IFNG-AS1: variants seen among roughly 807,000 people sequenced by gnomAD.
IFNG-AS1 encodes IFNG antisense RNA 1 (non-protein coding).
At chr12:67,995,550 G>A (rs1296832231) in intron 1 of IFNG-AS1, among the ~76,000 whole-genome samples, 2 of 151,390 alleles carry the variant, frequency 1.3e-5, no homozygotes, top group Non-Finnish European at 2.9e-5. Context: ...GTGAAACCCT[G>A]TCTCTCCTAA....
chr12:67,995,722 CAAA>C (rs34179056), intron 1 of IFNG-AS1, among the ~76,000 whole-genome samples: 6 of 77,324 alleles, frequency 7.8e-5, no homozygotes, highest in Non-Finnish European at 1.0e-4. Flanking sequence ...ACTCGGTCTC[CAAA>C]AAAAAAAAAA....
At chr12:67,995,493 C>T (rs367715042) in intron 1 of IFNG-AS1, among the ~76,000 whole-genome samples, 52 of 143,916 alleles carry the variant, frequency 3.6e-4, no homozygotes, top group African/African-American at 1.2e-3. Flanking sequence ...GAGGCCGAGG[C>T]GGGCAGATTA....
At chr12:67,989,935 G>A (rs1476477221) in intron 1 of IFNG-AS1, among the ~76,000 whole-genome samples, 1 of 151,982 alleles carries the variant, frequency 6.6e-6, no homozygotes, top group Admixed American at 6.5e-5. Context: ...AGCTTTGATT[G>A]AACTATTCTA....
intron 3 of IFNG-AS1, among the ~76,000 whole-genome samples, chr12:68,019,145 T>C (rs1880226951): frequency 6.6e-6 from 1 of 152,168 alleles, no homozygotes; most frequent in African/African-American, 2.4e-5. Flanking sequence ...GGAGGTAGTC[T>C]GACATGTAAA....
chr12:68,021,024 C>T (rs11177008), intron 4 of IFNG-AS1: 45,127 of 151,950 alleles, frequency 0.3, 6,922 homozygotes, highest in East Asian at 0.33. Flanking sequence ...ACCATTTCTT[C>T]GGTGTCTCTC....
chr12:67,995,987 T>G (rs1360411547), exon 2 of IFNG-AS1: 2 of 152,178 alleles, frequency 1.3e-5, no homozygotes, highest in Non-Finnish European at 2.9e-5. Context: ...GGTGGCAATC[T>G]TAAGGATACA....
At chr12:68,011,643 T>A (rs553323974) in intron 3 of IFNG-AS1, among the ~76,000 whole-genome samples, 1 of 152,312 alleles carries the variant, frequency 6.6e-6, no homozygotes, top group South Asian at 2.1e-4. Flanking sequence ...AAAACTCAAA[T>A]GCAGACTGAA....
In IFNG-AS1 at chr12:67,992,472, A is replaced by T. The variant is rs117275784; in HGVS notation, n.51+2893A>T. Among the ~76,000 whole-genome samples the T allele has an allele frequency of 6.4e-3, 971 of 152,286 alleles. 9 individuals carry two copies. The highest frequency in any genetic ancestry group is 0.021 in the African/African-American group (886 of 41,562). On this transcript the variant is annotated intron_variant and non_coding_transcript_variant, in intron 1 of 5. Transcript: ENST00000536914. Reference sequence around the variant, plus strand: ...CTAGGAGCCATTGGAGGACACATATACTGTTAGTTTTGGAAGGTATTATAT... The same window carrying T: ...CTAGGAGCCATTGGAGGACACATATTCTGTTAGTTTTGGAAGGTATTATAT...
At chr12:67,999,455 A>G (rs1012377383) in intron 2 of IFNG-AS1, among the ~76,000 whole-genome samples, 2 of 152,244 alleles carry the variant, frequency 1.3e-5, no homozygotes, top group Non-Finnish European at 2.9e-5. Flanking sequence ...TTGTGCCAGA[A>G]AGAAAAGAAG....
At chr12:68,016,153 A>T (rs1264451947) in intron 3 of IFNG-AS1, among the ~76,000 whole-genome samples, 4 of 152,176 alleles carry the variant, frequency 2.6e-5, no homozygotes. Flanking sequence ...TATCAATTAT[A>T]TAGACAAAAT....
Position 67,998,442 on chromosome 12 carries a change from AAAAAAG to A in IFNG-AS1, n.184+2385_184+2390del, listed in dbSNP as rs567362765. On this transcript the variant is annotated intron_variant and non_coding_transcript_variant, in intron 2 of 5. Transcript: ENST00000536914. ...AACTTCTATGAAAGAGAGACCAAAA[AAAAAAG>A]AAAAAGAAAAAGAAAGAAAACCACA... Among the ~76,000 whole-genome samples the A allele has an allele frequency of 3.2e-4, 48 of 151,892 alleles. No homozygotes were observed. The East Asian group carries it at 8.5e-3, about 27-fold the overall frequency.
At chr12:68,016,860 T>C (rs566157066) in intron 3 of IFNG-AS1, among the ~76,000 whole-genome samples, 2 of 152,172 alleles carry the variant, frequency 1.3e-5, no homozygotes, top group African/African-American at 4.8e-5. Flanking sequence ...CAGAAATGTA[T>C]TGTGGCTCTG....
chr12:67,992,043 C>CCT (rs140108038), intron 1 of IFNG-AS1, among the ~76,000 whole-genome samples: 1 of 151,946 alleles, frequency 6.6e-6, no homozygotes, highest in African/African-American at 2.4e-5. Context: ...CAATTCTCTT[C>CCT]CTCTCTCTCT....
At chr12:68,008,761 T>G (rs2076830963) in intron 3 of IFNG-AS1, among the ~76,000 whole-genome samples, 2 of 152,114 alleles carry the variant, frequency 1.3e-5, no homozygotes, top group East Asian at 1.9e-4. Flanking sequence ...TATGGGAACT[T>G]GTAATGGACC....
chr12:67,996,446 TTTG>T (rs1879643905), intron 2 of IFNG-AS1, among the ~76,000 whole-genome samples: 1 of 152,244 alleles, frequency 6.6e-6, no homozygotes. Flanking sequence ...GAGCTGAGAT[TTTG>T]TTATTTTTAT....
intron 2 of IFNG-AS1, among the ~76,000 whole-genome samples, chr12:68,005,930 T>G (rs985886145): frequency 8.5e-5 from 13 of 152,238 alleles, no homozygotes; most frequent in African/African-American, 2.4e-4. Flanking sequence ...AGAAATGGAA[T>G]ATTATCTCAG....
At chr12:68,017,598 C>T (rs1339674417) in intron 3 of IFNG-AS1, among the ~76,000 whole-genome samples, 1 of 152,130 alleles carries the variant, frequency 6.6e-6, no homozygotes, top group East Asian at 1.9e-4. Context: ...GAACAATGAG[C>T]CATTTACCAT....
chr12:67,993,384 A>G (rs535002205), intron 1 of IFNG-AS1, among the ~76,000 whole-genome samples: 5 of 152,212 alleles, frequency 3.3e-5, no homozygotes, highest in Admixed American at 6.5e-5. Context: ...TATAAAATAC[A>G]CATCTTAAAC....
chr12:67,996,530 A>G (rs1008290099), intron 2 of IFNG-AS1, among the ~76,000 whole-genome samples: 1 of 152,198 alleles, frequency 6.6e-6, no homozygotes. Flanking sequence ...AAATCTATGT[A>G]GCTGTGTGTC....
Sources: gnomAD v4.1 joint callset for allele counts (sites outside exome capture counted in the v4.1 genomes callset) on GRCh38, gnomAD v4.1.1 for gene constraint, MANE v1.5 for transcripts, NCBI Gene and HGNC (gene_info 2026-07-23, HGNC 2026-07-21) for gene names.